Variants in SLC16A1 observed in about 807,000 individuals in gnomAD.
SLC16A1 encodes solute carrier family 16 member 1.
Under a neutral mutation model 32.2 loss-of-function variants are expected in SLC16A1, and 11 were observed. The observed-to-expected ratio is 0.34, with a 90% CI of 0.21 to 0.56. SLC16A1 has a LOEUF of 0.56. Among genes scored for constraint, SLC16A1 ranks in the 20% least tolerant of loss-of-function variants. SLC16A1 has a pLI of 0.87. For synonymous variants in SLC16A1, 231 were observed against 226.8 expected (o/e 1.02, Z -0.17); for missense variants, 435 against 615.0 (o/e 0.71, Z 3.10).
At chr1:112,926,369 T>C (rs1648942301) in intron 2 of SLC16A1, among the ~76,000 whole-genome samples, 1 of 152,068 alleles carries the variant, frequency 6.6e-6, no homozygotes, top group Non-Finnish European at 1.5e-5. Flanking sequence ...GGCAGGTGGA[T>C]TACCTGAGGT....
At chr1:112,937,685 G>A (rs1364070497) in intron 1 of SLC16A1, among the ~76,000 whole-genome samples, 3 of 152,174 alleles carry the variant, frequency 2.0e-5, no homozygotes, top group East Asian at 3.8e-4. Flanking sequence ...AGAAAGCAGA[G>A]CACATGCATT....
intron 1 of SLC16A1, among the ~76,000 whole-genome samples, chr1:112,953,303 A>G (rs892310315): frequency 5.3e-5 from 8 of 152,146 alleles, no homozygotes; most frequent in Admixed American, 2.0e-4. Flanking sequence ...CTGGGATTAC[A>G]GAAGCATGCC....
intron 2 of SLC16A1, among the ~76,000 whole-genome samples, chr1:112,924,590 A>G (rs1211221039): frequency 6.6e-6 from 1 of 152,166 alleles, no homozygotes; most frequent in Admixed American, 6.5e-5. Context: ...AACAAAAACA[A>G]CAACAACAAA....
At chr1:112,943,748 A>G (rs920005579) in intron 1 of SLC16A1, among the ~76,000 whole-genome samples, 2 of 147,758 alleles carry the variant, frequency 1.4e-5, no homozygotes, top group African/African-American at 5.1e-5. Flanking sequence ...AGATCACACC[A>G]CTGCACTCTA....
chr1:112,945,492 T>C (rs1426885816), intron 1 of SLC16A1, among the ~76,000 whole-genome samples: 1 of 150,580 alleles, frequency 6.6e-6, no homozygotes, highest in Non-Finnish European at 1.5e-5. Context: ...CTGGCCAACG[T>C]GGTGAAACCC....
chr1:112,926,367 G>A (rs1030677762), intron 2 of SLC16A1, among the ~76,000 whole-genome samples: 1 of 152,142 alleles, frequency 6.6e-6, no homozygotes, highest in Non-Finnish European at 1.5e-5. Context: ...GAGGCAGGTG[G>A]ATTACCTGAG....
At chr1:112,952,284 T>C (rs994199233) in intron 1 of SLC16A1, among the ~76,000 whole-genome samples, 2 of 152,158 alleles carry the variant, frequency 1.3e-5, no homozygotes, top group Admixed American at 6.5e-5. Context: ...GCAAACATAA[T>C]TGCGGTTTTT....
chr1:112,950,175 G>C (rs763535349), intron 1 of SLC16A1, among the ~76,000 whole-genome samples: 5 of 152,254 alleles, frequency 3.3e-5, no homozygotes, highest in Middle Eastern at 3.4e-3. Context: ...CAAGTTCACA[G>C]ACCCCTCGAA....
At chr1:112,920,239 G>T (rs1254549390) in intron 3 of SLC16A1, among the ~76,000 whole-genome samples, 1 of 152,328 alleles carries the variant, frequency 6.6e-6, no homozygotes, top group Non-Finnish European at 1.5e-5. Flanking sequence ...TTGGGAGGCC[G>T]AGGCAGGCGG....
chr1:112,949,037 T>G (rs1374276982), intron 1 of SLC16A1, among the ~76,000 whole-genome samples: 1 of 151,780 alleles, frequency 6.6e-6, no homozygotes, highest in Non-Finnish European at 1.5e-5. Flanking sequence ...GCATTTTTAG[T>G]AGTAGAGACA....
At chr1:112,946,233 G>A (rs546948731) in intron 1 of SLC16A1, among the ~76,000 whole-genome samples, 1 of 151,968 alleles carries the variant, frequency 6.6e-6, no homozygotes, top group South Asian at 2.1e-4. Flanking sequence ...GCATTTTGTG[G>A]CAAAAGTATC....
At chr1:112,916,582 G>C (rs189604882) in intron 4 of SLC16A1, among the ~76,000 whole-genome samples, 104 of 150,816 alleles carry the variant, frequency 6.9e-4, no homozygotes, top group African/African-American at 2.5e-3. Context: ...TAAAGATTGG[G>C]TTGTTTTTCT....
At chr1:112,915,012 A>G (rs1648453029) in intron 4 of SLC16A1, among the ~76,000 whole-genome samples, 1 of 152,220 alleles carries the variant, frequency 6.6e-6, no homozygotes. Flanking sequence ...ATTCTACTCT[A>G]TGCTTAAACA....
chr1:112,922,333 A>G, intron 2 of SLC16A1, 200 bp from the exon 3 acceptor site: 2 of 601,098 alleles, frequency 3.3e-6, no homozygotes, highest in Admixed American at 5.9e-5. Context: ...CAGGTTCTAA[A>G]TCTAAAAATA....
chr1:112,946,595 C>T (rs1036626738), intron 1 of SLC16A1, among the ~76,000 whole-genome samples: 2 of 152,160 alleles, frequency 1.3e-5, no homozygotes, highest in Non-Finnish European at 2.9e-5. Flanking sequence ...GCTCTGTCGC[C>T]CAGGCTGTAG....
intron 1 of SLC16A1, among the ~76,000 whole-genome samples, chr1:112,941,345 G>A (rs1251207868): frequency 6.9e-6 from 1 of 144,286 alleles, no homozygotes; most frequent in African/African-American, 2.6e-5. Context: ...GCGATGGTAC[G>A]ATCTTGGCTC....
chr1:112,929,867 G>C (rs1223365471), intron 1 of SLC16A1, among the ~76,000 whole-genome samples: 3 of 151,990 alleles, frequency 2.0e-5, no homozygotes, highest in African/African-American at 7.3e-5. Context: ...TAAATAAATT[G>C]GTAAACAAGA....
chr1:112,932,909 T>C (rs540575204), intron 1 of SLC16A1, among the ~76,000 whole-genome samples: 2 of 152,126 alleles, frequency 1.3e-5, no homozygotes, highest in Admixed American at 6.5e-5. Context: ...ATAAGTGAAT[T>C]TGACTAGGTC....
chr1:112,940,521 T>C (rs1045694113), intron 1 of SLC16A1, among the ~76,000 whole-genome samples: 7 of 152,272 alleles, frequency 4.6e-5, no homozygotes, highest in African/African-American at 1.7e-4. Context: ...AGACTGCATA[T>C]CATCTTGGTG....
Sources: allele counts gnomAD v4.1 joint callset (sites outside exome capture counted in the v4.1 genomes callset), GRCh38; gene constraint gnomAD v4.1.1; transcripts MANE v1.5; gene names NCBI Gene and HGNC (gene_info 2026-07-23, HGNC 2026-07-21).